LHFPL2: variants seen among roughly 807,000 people sequenced by gnomAD.
LHFPL2 encodes LHFPL tetraspan subfamily member 2.
A neutral mutation model predicts 17.5 loss-of-function variants in LHFPL2; 7 were observed. The observed-to-expected ratio is 0.40, with a 90% CI of 0.23 to 0.75. The LOEUF (loss-of-function observed/expected upper bound fraction) is 0.75. Among genes scored for constraint, LHFPL2 ranks in the 30% least tolerant of loss-of-function variants. The probability of loss-of-function intolerance (pLI) is 0.37; values close to 1 mark genes in which losing one functional copy is unlikely to be tolerated. For synonymous variants in LHFPL2, 134 were observed against 116.2 expected (o/e 1.15, Z -0.99); for missense variants, 241 against 294.8 (o/e 0.82, Z 1.34).
intron 2 of LHFPL2, among the ~76,000 whole-genome samples, chr5:78,605,697 A>G (rs1210704234): frequency 6.6e-6 from 1 of 152,160 alleles, no homozygotes; most frequent in African/African-American, 2.4e-5. Context: ...CCTTTGGTCT[A>G]TCACAAAATT....
chr5:78,616,872 A>C (rs1178194667), intron 2 of LHFPL2, among the ~76,000 whole-genome samples: 3 of 152,168 alleles, frequency 2.0e-5, no homozygotes, highest in Non-Finnish European at 1.5e-5. Context: ...CACCTGCCCT[A>C]ATTAAGGAGA....
intron 3 of LHFPL2, among the ~76,000 whole-genome samples, chr5:78,534,230 C>A (rs1408473812): frequency 6.6e-6 from 1 of 152,204 alleles, no homozygotes; most frequent in Non-Finnish European, 1.5e-5. Flanking sequence ...GTCGAGAGAA[C>A]AGGAGAGGCG....
At chr5:78,546,823 G>A (rs1017621701) in intron 3 of LHFPL2, among the ~76,000 whole-genome samples, 5 of 152,172 alleles carry the variant, frequency 3.3e-5, no homozygotes, top group Admixed American at 3.3e-4. Context: ...TGGATTGATC[G>A]ATGCAGATCC....
At chr5:78,608,203 C>CA (rs1461086136) in intron 2 of LHFPL2, among the ~76,000 whole-genome samples, 1 of 152,200 alleles carries the variant, frequency 6.6e-6, no homozygotes, top group East Asian at 1.9e-4. Context: ...GTCATGAAAG[C>CA]AGTGCTTCCT....
intron 1 of LHFPL2, among the ~76,000 whole-genome samples, chr5:78,637,396 G>A (rs541562005): frequency 2.7e-5 from 4 of 149,860 alleles, no homozygotes; most frequent in East Asian, 1.9e-4. Flanking sequence ...CTTGGGGGGA[G>A]GGGGGGAAGC....
intron 3 of LHFPL2, among the ~76,000 whole-genome samples, chr5:78,545,746 T>C (rs948032770): frequency 5.9e-5 from 9 of 152,234 alleles, no homozygotes; most frequent in Non-Finnish European, 8.8e-5. Flanking sequence ...AGACCTACTT[T>C]GTTCCAACAG....
At chr5:78,509,311 G>A (rs1755029167) in intron 4 of LHFPL2, among the ~76,000 whole-genome samples, 1 of 152,152 alleles carries the variant, frequency 6.6e-6, no homozygotes, top group South Asian at 2.1e-4. Flanking sequence ...TCATCTGGGG[G>A]CTGGAGCTGA....
chr5:78,589,975 C>A lies in LHFPL2; in HGVS notation c.-244-25104G>T, dbSNP rs1365102812. The A allele has an allele frequency of 2.0e-5, 3 of 152,196 alleles. No individual in the cohort carries two copies. In the East Asian group the frequency reaches 5.8e-4, roughly 29 times the overall value. 9.4% of individuals were successfully genotyped at this position (152,196 alleles called of 1,614,324 possible). ...TGCAGGTGGTCATCTCAGAATATGA[C>A]CTGTGTCACATGTAAGACCACCTCT... On this transcript the variant is annotated intron_variant, in intron 2 of 4. Transcript: ENST00000380345.
chr5:78,585,356 A>T (rs1743344271), intron 2 of LHFPL2, among the ~76,000 whole-genome samples: 1 of 150,354 alleles, frequency 6.7e-6, no homozygotes, highest in Non-Finnish European at 1.5e-5. Flanking sequence ...TTCAGGTGGG[A>T]GTGACCCGAT....
intron 4 of LHFPL2, 86 bp downstream of exon 4, chr5:78,509,698 G>T: frequency 7.3e-7 from 1 of 1,361,102 alleles, no homozygotes; most frequent in Non-Finnish European, 1.0e-6. Context: ...AAAACTAGCA[G>T]GAAGCGAATG....
At chr5:78,519,662 C>G (rs1389735867) in intron 3 of LHFPL2, among the ~76,000 whole-genome samples, 1 of 152,180 alleles carries the variant, frequency 6.6e-6, no homozygotes, top group Non-Finnish European at 1.5e-5. Flanking sequence ...TTGTGAGGAT[C>G]AATTAAGTTA....
At chr5:78,638,665 C>G (rs1474016629) in intron 1 of LHFPL2, among the ~76,000 whole-genome samples, 2 of 152,170 alleles carry the variant, frequency 1.3e-5, no homozygotes, top group Non-Finnish European at 2.9e-5. Context: ...CCCTTGGTTA[C>G]TAAGAGGACT....
chr5:78,520,973 T>C (rs1345027748), intron 3 of LHFPL2, among the ~76,000 whole-genome samples: 4 of 152,220 alleles, frequency 2.6e-5, no homozygotes, highest in South Asian at 4.1e-4. Context: ...AACAATTTGA[T>C]AGCTGTATGC....
chr5:78,598,409 A>G (rs1260702162), intron 2 of LHFPL2, among the ~76,000 whole-genome samples: 1 of 152,194 alleles, frequency 6.6e-6, no homozygotes, highest in Non-Finnish European at 1.5e-5. Context: ...AACACAGCTC[A>G]CTAGTAAATG....
chr5:78,517,812 G>A (rs1448159208), intron 3 of LHFPL2, among the ~76,000 whole-genome samples: 1 of 152,194 alleles, frequency 6.6e-6, no homozygotes, highest in Non-Finnish European at 1.5e-5. Context: ...AGCATCTATA[G>A]CCAGAGACGG....
At position 78,584,993 on chromosome 5, in the gene LHFPL2, G is replaced by GTTTTTTTTT. The variant is rs1561352310; in HGVS notation, c.-244-20123_-244-20122insAAAAAAAAA. On this transcript the variant is annotated intron_variant, in intron 2 of 4. Transcript: ENST00000380345. Reference sequence around the variant, plus strand: ...GCGGGATATAATCTCCTGGTGCGCTGTGTTTTTTTTTTTTTTTTTTTTTTT... The same window carrying GTTTTTTTTT: ...GCGGGATATAATCTCCTGGTGCGCTGTTTTTTTTTTGTTTTTTTTTTTTTTTTTTTTTTT... Among the ~76,000 whole-genome samples the GTTTTTTTTT allele has an allele frequency of 6.0e-4, 51 of 84,774 alleles. 6 individuals are homozygous for GTTTTTTTTT. The highest frequency in any genetic ancestry group is 2.4e-3 in the African/African-American group (49 of 20,192). The allele number at this position is 84,774 out of a possible 152,430, so 55.6% of individuals were successfully genotyped here.
rs1756107793 is a variant in LHFPL2 at position 78,541,357 on chromosome 5, A to T, written c.-186+23456T>A. Among the ~76,000 whole-genome samples the T allele has an allele frequency of 3.3e-5, 5 of 152,222 alleles. No individual in the cohort carries two copies. The South Asian group carries it at 1.0e-3, about 32-fold the overall frequency. On this transcript the variant is annotated intron_variant, in intron 3 of 4. Transcript: ENST00000380345. Reference sequence around the variant, plus strand: ...TCACTGACCAAGGCCCCATGGTCTTAGGAGTGTTTCCTCTGAAGTTTCCTG... The same window carrying T: ...TCACTGACCAAGGCCCCATGGTCTTTGGAGTGTTTCCTCTGAAGTTTCCTG...
At chr5:78,543,612 G>C (rs1756178786) in intron 3 of LHFPL2, among the ~76,000 whole-genome samples, 1 of 152,174 alleles carries the variant, frequency 6.6e-6, no homozygotes, top group Admixed American at 6.5e-5. Context: ...TCTGGCTGCA[G>C]GGATGAGGTC....
At chr5:78,622,883 G>A (rs1282856594) in intron 2 of LHFPL2, among the ~76,000 whole-genome samples, 1 of 152,180 alleles carries the variant, frequency 6.6e-6, no homozygotes, top group Non-Finnish European at 1.5e-5. Flanking sequence ...CTGCCTAGCT[G>A]GAGGAAGAAC....
Sources: gnomAD v4.1 joint callset for allele counts (sites outside exome capture counted in the v4.1 genomes callset) on GRCh38, gnomAD v4.1.1 for gene constraint, MANE v1.5 for transcripts, NCBI Gene and HGNC (gene_info 2026-07-23, HGNC 2026-07-21) for gene names.